The following ANKRD29 variants were observed in gnomAD, a reference collection of about 807,000 sequenced individuals.
ANKRD29 encodes the protein ankyrin repeat domain-containing protein 29.
In ANKRD29, 32 loss-of-function variants were observed where a neutral mutation model predicts 38.0. The observed-to-expected ratio is 0.84, with a 90% confidence interval of 0.64 to 1.13. ANKRD29 has a LOEUF of 1.13. ANKRD29 is among the 50% of genes most tolerant of loss of function. The pLI, the probability that ANKRD29 is intolerant of heterozygous loss-of-function variation, is 0.00. For synonymous variants in ANKRD29, 135 were observed against 152.4 expected (o/e 0.89, Z 0.84); for missense variants, 357 against 377.9 (o/e 0.94, Z 0.46).
At chr18:23,608,509 T>TACC (rs2059600112) in intron 9 of ANKRD29, among the ~76,000 whole-genome samples, 1 of 152,246 alleles carries the variant, frequency 6.6e-6, no homozygotes, top group African/African-American at 2.4e-5. Flanking sequence ...ATTATTCCAT[T>TACC]ATTCTAGGAG....
At position 23,629,671 on chromosome 18, in the gene ANKRD29, C is replaced by T. The variant is rs114107643; in HGVS notation, c.528+182G>A. ...CAGCTTGGTTTCATAGGCTTTCAGG[C>T]CAGCTCAGAGCATAGAACAGGAGAT... On this transcript the variant is annotated intron_variant, in intron 6 of 9. Coordinates refer to ENST00000592179, the MANE Select transcript of ANKRD29 (RefSeq NM_173505.4). Among the ~76,000 whole-genome samples the T allele has an allele frequency of 7.9e-5, 12 of 152,308 alleles. No homozygotes were observed. The East Asian group carries it at 2.3e-3, about 29-fold the overall frequency.
chr18:23,599,131 C>A lies in ANKRD29; in HGVS notation c.*2095G>T, dbSNP rs897277934. ...ATTTACATGTGTGCAAACTAAAATG[C>A]AATTTTGAAAATAACACACCTTTCC... is the stretch of plus-strand genomic sequence containing the variant. On this transcript the variant is annotated 3_prime_UTR_variant, in exon 10 of 10. Coordinates refer to ENST00000592179, the MANE Select transcript of ANKRD29 (RefSeq NM_173505.4). 4 of 152,136 alleles carry A rather than the reference C, an allele frequency of 2.6e-5. No individual in the cohort carries two copies. The highest frequency in any genetic ancestry group is 9.7e-5 in the African/African-American group (4 of 41,402). 9.4% of individuals were successfully genotyped at this position (152,136 alleles called of 1,614,324 possible). A position where few individuals can be genotyped will look rare whatever the true frequency, so the allele number is the denominator to read the frequency against.
intron 1 of ANKRD29, chr18:23,649,417 C>G: frequency 1.4e-6 from 1 of 700,866 alleles, no homozygotes; most frequent in South Asian, 1.5e-5. Flanking sequence ...TGTTGATAAT[C>G]CAGCACTATT....
At chr18:23,632,241 T>C (rs1392562031) in intron 5 of ANKRD29, among the ~76,000 whole-genome samples, 3 of 152,164 alleles carry the variant, frequency 2.0e-5, no homozygotes, top group Non-Finnish European at 4.4e-5. Flanking sequence ...TCTTTTTCTT[T>C]TTTTAATTTT....
chr18:23,649,896 A>G (rs1212940501), intron 1 of ANKRD29, among the ~76,000 whole-genome samples: 1 of 151,894 alleles, frequency 6.6e-6, no homozygotes, highest in Non-Finnish European at 1.5e-5. Context: ...TGCCCAGCTA[A>G]TTTTTGTATT....
chr18:23,628,634 G>A (rs1160233155), intron 6 of ANKRD29, among the ~76,000 whole-genome samples: 1 of 151,904 alleles, frequency 6.6e-6, no homozygotes, highest in African/African-American at 2.4e-5. Context: ...CCAGGAGTTC[G>A]AGACCAGCCT....
intron 4 of ANKRD29, among the ~76,000 whole-genome samples, chr18:23,635,703 T>C (rs1205187185): frequency 3.3e-5 from 5 of 152,232 alleles, no homozygotes; most frequent in Admixed American, 6.5e-5. Flanking sequence ...CTGCCTTCAG[T>C]AGGTCTGGGG....
intron 1 of ANKRD29, among the ~76,000 whole-genome samples, chr18:23,659,444 T>C (rs1416559274): frequency 6.6e-6 from 1 of 152,234 alleles, no homozygotes; most frequent in Non-Finnish European, 1.5e-5. Flanking sequence ...ATGTGGTAAC[T>C]CTATATTTAA....
intron 1 of ANKRD29, among the ~76,000 whole-genome samples, chr18:23,661,561 A>T (rs914058434): frequency 4.6e-5 from 7 of 152,236 alleles, no homozygotes; most frequent in African/African-American, 1.7e-4. Context: ...CGAAAAAATT[A>T]GCTGGGCATG....
chr18:23,654,618 CAAAAAA>C (rs1167970950), intron 1 of ANKRD29, among the ~76,000 whole-genome samples: 2 of 50,380 alleles, frequency 4.0e-5, no homozygotes, highest in South Asian at 6.9e-4. Context: ...GACTCTGTCT[CAAAAAA>C]AAAAAAAAAA....
chr18:23,601,319 G>C lies in ANKRD29; in HGVS notation c.823-10C>G. Reference sequence around the variant, plus strand: ...CCGGAAGTTCATTGGCCTGAAAGAAGAGAAGATGGGCATTAGTGAATCCCC... The same window carrying C: ...CCGGAAGTTCATTGGCCTGAAAGAACAGAAGATGGGCATTAGTGAATCCCC... On this transcript the variant is annotated splice_polypyrimidine_tract_variant and intron_variant, in intron 9 of 9. Transcript: ENST00000592179. 6.2e-7 allele frequency: 1 copy of C among 1,612,964 alleles called. No homozygotes were observed. Among genetic ancestry groups the C allele is most frequent in the Non-Finnish European group, 8.5e-7 (1 of 1,179,024 alleles).
At chr18:23,634,930 G>C (rs1211096703) in intron 4 of ANKRD29, among the ~76,000 whole-genome samples, 1 of 152,174 alleles carries the variant, frequency 6.6e-6, no homozygotes. Flanking sequence ...TGTTTGTATG[G>C]GGTAACCCTC....
intron 9 of ANKRD29, among the ~76,000 whole-genome samples, chr18:23,611,402 G>C (rs2059640037): frequency 6.6e-6 from 1 of 152,154 alleles, no homozygotes; most frequent in East Asian, 1.9e-4. Context: ...GATAACCACT[G>C]GCCGGGCGTG....
chr18:23,612,811 T>A (rs978906127), intron 8 of ANKRD29, among the ~76,000 whole-genome samples: 7 of 152,072 alleles, frequency 4.6e-5, no homozygotes, highest in Admixed American at 4.6e-4. Context: ...TGCAAATATT[T>A]ATCAAAATAA....
chr18:23,617,220 A>T (rs2059735203), intron 8 of ANKRD29, among the ~76,000 whole-genome samples: 1 of 152,216 alleles, frequency 6.6e-6, no homozygotes, highest in African/African-American at 2.4e-5. Flanking sequence ...CCATCTCAAA[A>T]AAGCAAAACA....
At chr18:23,645,995 G>A (rs1476645023) in intron 3 of ANKRD29, among the ~76,000 whole-genome samples, 194 bp downstream of exon 3, 1 of 152,148 alleles carries the variant, frequency 6.6e-6, no homozygotes, top group African/African-American at 2.4e-5. Flanking sequence ...AGATATGCCC[G>A]ACAGGCTACG....
chr18:23,645,232 T>TACC (rs1479758273), intron 3 of ANKRD29, among the ~76,000 whole-genome samples: 1 of 152,156 alleles, frequency 6.6e-6, no homozygotes, highest in African/African-American at 2.4e-5. Context: ...AAGATTAGTT[T>TACC]ACCAGGTCCT....
intron 8 of ANKRD29, among the ~76,000 whole-genome samples, chr18:23,616,148 C>T (rs2059713760): frequency 6.7e-6 from 1 of 149,150 alleles, no homozygotes; most frequent in Non-Finnish European, 1.5e-5. Flanking sequence ...ATACTCTACA[C>T]ATACTGTATG....
intron 8 of ANKRD29, among the ~76,000 whole-genome samples, chr18:23,616,716 T>C (rs1468259229): frequency 4.1e-5 from 6 of 146,272 alleles, no homozygotes; most frequent in Non-Finnish European, 7.5e-5. Flanking sequence ...ATTAGTAATA[T>C]TTATTACTAT....
Sources: gnomAD v4.1 joint callset for allele counts (sites outside exome capture counted in the v4.1 genomes callset) on GRCh38, gnomAD v4.1.1 for gene constraint, MANE v1.5 for transcripts, NCBI Gene and HGNC (gene_info 2026-07-23, HGNC 2026-07-21) for gene names.